Variants in PPP2R5C observed in about 807,000 individuals in gnomAD.
PPP2R5C encodes serine/threonine-protein phosphatase 2A 56 kDa regulatory subunit gamma isoform.
A neutral mutation model predicts 68.9 loss-of-function variants in PPP2R5C; 7 were observed. That is an observed-to-expected ratio of 0.10 (90% confidence interval 0.06 to 0.19). The LOEUF is 0.19. Ranked by LOEUF, PPP2R5C falls within the 10% of genes least tolerant of loss-of-function variation. PPP2R5C has a pLI of 1.00. For synonymous variants in PPP2R5C, 210 were observed against 222.2 expected, an observed-to-expected ratio of 0.95 and a Z score of 0.49; for missense variants, 348 against 641.3, an observed-to-expected ratio of 0.54 and a Z score of 4.94.
chr14:101,918,082 A>C (rs923759080), intron 13 of PPP2R5C, 135 bp downstream of exon 15: 3 of 1,249,652 alleles, frequency 2.4e-6, no homozygotes, highest in East Asian at 5.1e-5. Flanking sequence ...CTAGTCTTAT[A>C]GGAAACATTG....
intron 13 of PPP2R5C, among the ~76,000 whole-genome samples, chr14:101,919,969 C>CAAAAAAAAAAA (rs34641396): frequency 1.1e-4 from 6 of 52,876 alleles, no homozygotes; most frequent in Non-Finnish European, 1.7e-4. Context: ...AACTCCGTCT[C>CAAAAAAAAAAA]AAAAAAAAAA....
At chr14:101,873,305 T>C (rs1028980570) in intron 2 of PPP2R5C, among the ~76,000 whole-genome samples, 1 of 152,246 alleles carries the variant, frequency 6.6e-6, no homozygotes, top group Non-Finnish European at 1.5e-5. Flanking sequence ...TAATTTTTAA[T>C]TGGATGTCTG....
intron 1 of PPP2R5C, among the ~76,000 whole-genome samples, chr14:101,816,634 T>C (rs2039686938): frequency 6.6e-6 from 1 of 151,822 alleles, no homozygotes. Flanking sequence ...GTCCAACTTT[T>C]GTAAGGGACT....
At chr14:101,816,674 G>A (rs1195169857) in intron 1 of PPP2R5C, among the ~76,000 whole-genome samples, 1 of 151,650 alleles carries the variant, frequency 6.6e-6, no homozygotes, top group Non-Finnish European at 1.5e-5. Context: ...GCAGAATGAA[G>A]TATTAATAAG....
At chr14:101,905,982 A>G (rs2046000333) in intron 9 of PPP2R5C, among the ~76,000 whole-genome samples, 1 of 152,188 alleles carries the variant, frequency 6.6e-6, no homozygotes, top group Admixed American at 6.5e-5. Flanking sequence ...CCTCCCCACT[A>G]GAATGTAAGC....
At chr14:101,828,075 A>G (rs2140314843) in intron 1 of PPP2R5C, among the ~76,000 whole-genome samples, 1 of 152,336 alleles carries the variant, frequency 6.6e-6, no homozygotes, top group African/African-American at 2.4e-5. Context: ...AGTTTAGACC[A>G]CAAATCCCAG....
intron 2 of PPP2R5C, among the ~76,000 whole-genome samples, chr14:101,763,512 A>G (rs921981210): frequency 7.2e-5 from 11 of 151,998 alleles, no homozygotes; most frequent in African/African-American, 2.7e-4. Context: ...CCTCCTGAGT[A>G]GCTGGGATTA....
At chr14:101,890,273 A>G in exon 6 of PPP2R5C, 1 of 1,613,978 alleles carries the variant, frequency 6.2e-7, no homozygotes, top group Non-Finnish European at 8.5e-7. Context: ...ATGGCATAGC[A>G]GAGTTACTGG....
chr14:101,809,552 CTTTTTTTTT>C (rs5811049), upstream of PPP2R5C, among the ~76,000 whole-genome samples: 5 of 92,916 alleles, frequency 5.4e-5, no homozygotes, highest in African/African-American at 9.9e-5. Context: ...TATACACACA[CTTTTTTTTT>C]TTTTTTTTTT....
intron 3 of PPP2R5C, chr14:101,796,887 G>A: frequency 3.3e-6 from 1 of 302,496 alleles, no homozygotes; most frequent in Admixed American, 4.3e-5. Flanking sequence ...CCTGGCTCAA[G>A]CCGTCCTTAT....
intron 2 of PPP2R5C, among the ~76,000 whole-genome samples, chr14:101,872,270 C>G (rs945057851): frequency 2.2e-5 from 3 of 136,632 alleles, no homozygotes; most frequent in African/African-American, 8.7e-5. Context: ...GTTACCCAGG[C>G]CAGTGTATAG....
At chr14:101,925,569 C>A in exon 14 of PPP2R5C, 1 of 245,096 alleles carries the variant, frequency 4.1e-6, no homozygotes, top group Non-Finnish European at 7.8e-6. Flanking sequence ...AGCACCCTGC[C>A]CTTCATCTTC....
Position 101,811,861 on chromosome 14 carries a change from A to ATT in PPP2R5C, c.94+1834_94+1835dup, listed in dbSNP as rs560201363. On this transcript the variant is annotated intron_variant, in intron 1 of 13. Transcript: ENST00000334743. ...TCACGTTGTGTCTTGAACCACATTGATTTTTTTTTTAAAATTCCAAGACCT... is the reference window on the plus strand; with the variant it reads ...TCACGTTGTGTCTTGAACCACATTGATTTTTTTTTTTTAAAATTCCAAGACCT... Among the ~76,000 whole-genome samples, 713 of 150,402 alleles carry ATT rather than the reference A, an allele frequency of 4.7e-3. 4 individuals carry two copies. Among genetic ancestry groups the ATT allele is most frequent in the African/African-American group, 0.016 (674 of 40,966 alleles).
chr14:101,890,788 T>TC (rs2044832764), intron 6 of PPP2R5C, among the ~76,000 whole-genome samples: 2 of 127,380 alleles, frequency 1.6e-5, no homozygotes, highest in Middle Eastern at 3.8e-3. Context: ...TTTTTTTTTT[T>TC]CTTTTTGAGA....
At chr14:101,780,928 G>A (rs1292819998) in intron 2 of PPP2R5C, among the ~76,000 whole-genome samples, 1 of 152,160 alleles carries the variant, frequency 6.6e-6, no homozygotes, top group Non-Finnish European at 1.5e-5. Context: ...GCTGGGGCTT[G>A]GCTGCAGCAC....
chr14:101,843,718 TATC>T (rs776625352), intron 1 of PPP2R5C: 22 of 168,570 alleles, frequency 1.3e-4, no homozygotes, highest in South Asian at 5.4e-4. Flanking sequence ...TCAGTTTCCT[TATC>T]ATCATCATCA....
chr14:101,924,445 C>CTTTTTTTTTT lies in PPP2R5C; in HGVS notation c.1444-693_1444-684dup, dbSNP rs11325673. ...TTTACCTCCAAGGAAATTTCTACATCTTTTTTTTTTTTGAGATGGAGTCTG... is the reference window on the plus strand; with the variant it reads ...TTTACCTCCAAGGAAATTTCTACATCTTTTTTTTTTTTTTTTTTTTTTGAGATGGAGTCTG... On this transcript the variant is annotated intron_variant, in intron 13 of 13. Coordinates refer to ENST00000334743, the Ensembl canonical transcript of PPP2R5C. Among the ~76,000 whole-genome samples, 55 of 84,522 alleles carry CTTTTTTTTTT rather than the reference C, an allele frequency of 6.5e-4. 12 individuals carry two copies. Among genetic ancestry groups the CTTTTTTTTTT allele is most frequent in the Non-Finnish European group, 6.5e-4 (25 of 38,536 alleles). 55.4% of individuals were successfully genotyped at this position (84,522 alleles called of 152,430 possible).
At chr14:101,851,302 A>C (rs1326597394) in intron 1 of PPP2R5C, among the ~76,000 whole-genome samples, 1 of 152,132 alleles carries the variant, frequency 6.6e-6, no homozygotes, top group Non-Finnish European at 1.5e-5. Context: ...GTGTGGGTGC[A>C]TGCCTGTAGT....
intron 1 of PPP2R5C, among the ~76,000 whole-genome samples, chr14:101,814,116 A>G (rs1000007215): frequency 6.6e-6 from 1 of 152,250 alleles, no homozygotes; most frequent in African/African-American, 2.4e-5. Flanking sequence ...AGTACTAGTG[A>G]GAATGGGTGC....
Sources: gnomAD v4.1 joint callset for allele counts (sites outside exome capture counted in the v4.1 genomes callset) on GRCh38, gnomAD v4.1.1 for gene constraint, MANE v1.5 for transcripts, NCBI Gene and HGNC (gene_info 2026-07-23, HGNC 2026-07-21) for gene names.